The following OPA1 variants were observed in gnomAD, a reference collection of about 807,000 sequenced individuals.
OPA1 encodes the protein OPA1 mitochondrial dynamin like GTPase.
OPA1 carries 59 observed loss-of-function variants against 152.9 expected under a neutral mutation model. That is an observed-to-expected ratio of 0.39 (90% CI 0.31 to 0.48). The LOEUF (loss-of-function observed/expected upper bound fraction) is 0.48, where lower values mean the gene tolerates loss of function less well. Among genes scored for constraint, OPA1 ranks in the 20% least tolerant of loss-of-function variants. The pLI, the probability that OPA1 is intolerant of heterozygous loss-of-function variation, is 0.96. For synonymous variants in OPA1, 400 were observed against 389.9 expected (o/e 1.03, Z -0.31); for missense variants, 1,008 against 1,216.8 (o/e 0.83, Z 2.55).
At chr3:193,679,394 G>C (rs954084708) in intron 29 of OPA1, among the ~76,000 whole-genome samples, 1 of 152,110 alleles carries the variant, frequency 6.6e-6, no homozygotes, top group East Asian at 1.9e-4. Context: ...TGAAACTCTA[G>C]GATCTGGCCC....
intron 7 of OPA1, among the ~76,000 whole-genome samples, chr3:193,626,824 G>A (rs1731227558): frequency 6.6e-6 from 1 of 152,126 alleles, no homozygotes; most frequent in Admixed American, 6.5e-5. Context: ...TATAATTCTG[G>A]TTGCTAAAGA....
At chr3:193,606,454 C>A (rs1387679935) in intron 1 of OPA1, among the ~76,000 whole-genome samples, 2 of 137,164 alleles carry the variant, frequency 1.5e-5, no homozygotes, top group African/African-American at 5.4e-5. Flanking sequence ...GTGTGATGTT[C>A]CCCTTCCTGT....
At position 193,631,607 on chromosome 3, in the gene OPA1, T is replaced by C; in HGVS notation, c.790-5T>C. The C allele has an allele frequency of 6.2e-7, 1 of 1,601,914 alleles. No homozygotes were observed. The highest frequency in any genetic ancestry group is 1.3e-5 in the African/African-American group (1 of 74,796). On this transcript the variant is annotated splice_polypyrimidine_tract_variant and splice_region_variant and intron_variant, in intron 7 of 30. Transcript: ENST00000361510. ...TATTCAACTAAAATTATTTTAAACA[T>C]TTAGGTGTCAGACAAAGAGAAAATT...
intron 29 of OPA1, among the ~76,000 whole-genome samples, chr3:193,684,608 G>A (rs1422354211): frequency 2.6e-5 from 4 of 151,840 alleles, no homozygotes; most frequent in African/African-American, 4.8e-5. Flanking sequence ...CCGCCACTAC[G>A]CCCGGCTAAT....
chr3:193,614,298 G>C (rs1728694611), intron 1 of OPA1, among the ~76,000 whole-genome samples: 1 of 152,326 alleles, frequency 6.6e-6, no homozygotes. Flanking sequence ...TTTACTTACA[G>C]TGAATAGTAG....
At chr3:193,642,708 G>T in intron 11 of OPA1, 57 bp from the exon 12 acceptor site, 2 of 1,283,920 alleles carry the variant, frequency 1.6e-6, no homozygotes, top group Non-Finnish European at 1.1e-6. Flanking sequence ...TACGGGCTGT[G>T]GGAATTAATA....
chr3:193,601,046 T>C (rs1248054387), intron 1 of OPA1, among the ~76,000 whole-genome samples: 1 of 152,216 alleles, frequency 6.6e-6, no homozygotes, highest in Non-Finnish European at 1.5e-5. Context: ...CTGCATGATC[T>C]TCCATTAAGT....
chr3:193,683,544 C>A (rs1421635006), intron 29 of OPA1, among the ~76,000 whole-genome samples: 1 of 152,042 alleles, frequency 6.6e-6, no homozygotes, highest in Admixed American at 6.6e-5. Context: ...ACTGTGAAAT[C>A]TTTCATGAAA....
At chr3:193,672,457 C>CT (rs1718135089) in intron 29 of OPA1, among the ~76,000 whole-genome samples, 1 of 152,128 alleles carries the variant, frequency 6.6e-6, no homozygotes, top group Non-Finnish European at 1.5e-5. Flanking sequence ...TAGAAATTGC[C>CT]TGGAACCCTT....
chr3:193,675,344 A>AAAAAAAC (rs1560060555), intron 29 of OPA1, among the ~76,000 whole-genome samples: 2 of 147,522 alleles, frequency 1.4e-5, no homozygotes, highest in South Asian at 2.2e-4. Flanking sequence ...AAAAAAAAAA[A>AAAAAAAC]AAAAAACACC....
chr3:193,597,292 A>G (rs531229836), intron 1 of OPA1, among the ~76,000 whole-genome samples: 1 of 152,312 alleles, frequency 6.6e-6, no homozygotes, highest in East Asian at 1.9e-4. Context: ...GGAGGTGTCA[A>G]CATTGTCAGG....
intron 1 of OPA1, among the ~76,000 whole-genome samples, chr3:193,596,065 A>G (rs1725434063): frequency 6.6e-6 from 1 of 152,124 alleles, no homozygotes; most frequent in South Asian, 2.1e-4. Flanking sequence ...AAGCTTCAGT[A>G]CTTTCTTCCT....
chr3:193,643,925 T>G, intron 15 of OPA1, 50 bp from the exon 16 acceptor site: 1 of 1,594,780 alleles, frequency 6.3e-7, no homozygotes, highest in Non-Finnish European at 8.6e-7. Flanking sequence ...GTTTTAAAAG[T>G]CTACTTTACA....
intron 21 of OPA1, among the ~76,000 whole-genome samples, chr3:193,654,294 A>G (rs1466166426): frequency 6.6e-6 from 1 of 151,984 alleles, no homozygotes; most frequent in Non-Finnish European, 1.5e-5. Flanking sequence ...CCAGGAGTTC[A>G]AGACCAGCCT....
intron 25 of OPA1, among the ~76,000 whole-genome samples, chr3:193,661,402 GCT>G (rs1242764053): frequency 6.6e-6 from 1 of 152,128 alleles, no homozygotes; most frequent in African/African-American, 2.4e-5. Context: ...ATTGAGTCAA[GCT>G]CTCCTTCTCT....
intron 11 of OPA1, among the ~76,000 whole-genome samples, chr3:193,638,833 T>C (rs1277000464): frequency 2.0e-5 from 3 of 152,210 alleles, no homozygotes; most frequent in Non-Finnish European, 2.9e-5. Flanking sequence ...GTCTTTTGTT[T>C]CCAAAGTCAG....
chr3:193,609,137 T>A (rs957516413), intron 1 of OPA1, among the ~76,000 whole-genome samples: 2 of 152,206 alleles, frequency 1.3e-5, no homozygotes, highest in African/African-American at 4.8e-5. Flanking sequence ...AGCACACTGA[T>A]GGGTCTTGAC....
intron 7 of OPA1, among the ~76,000 whole-genome samples, chr3:193,629,660 C>CA (rs944183354): frequency 1.0e-4 from 15 of 147,970 alleles, no homozygotes; most frequent in African/African-American, 2.2e-4. Context: ...GACTCCGTCT[C>CA]AAAAAAAAAG....
In OPA1 at chr3:193,648,600, T is replaced by C. The variant is rs550054183; in HGVS notation, c.1936-195T>C. 1.7e-4 allele frequency: 90 copies of C among 527,466 alleles called. 2 individuals carry two copies. The South Asian group carries it at 1.9e-3, about 11-fold the overall frequency. The allele number at this position is 527,466 out of a possible 1,614,324, so 32.7% of individuals were successfully genotyped here. On this transcript the variant is annotated intron_variant, in intron 20 of 30. Transcript: ENST00000361510. The stretch of plus-strand genomic sequence containing the variant: ...TCAAACTTGAGAAGGTAGATATTTA[T>C]GTCAGTTTCTTTGTCCTTATCTGCA...
Sources: allele counts gnomAD v4.1 joint callset (sites outside exome capture counted in the v4.1 genomes callset), GRCh38; gene constraint gnomAD v4.1.1; transcripts MANE v1.5; gene names NCBI Gene and HGNC (gene_info 2026-07-23, HGNC 2026-07-21).